Variants in SCLT1 observed in about 807,000 individuals in gnomAD.
SCLT1 encodes the protein sodium channel and clathrin linker 1.
In SCLT1, 78 loss-of-function variants were observed where a neutral mutation model predicts 112.8. The ratio of observed to expected loss-of-function variants is 0.69; its 90% CI spans 0.58 to 0.83. The LOEUF is 0.83. Ranked by LOEUF, SCLT1 falls within the 40% of genes least tolerant of loss-of-function variation. The pLI is 0.00. For synonymous variants in SCLT1, 257 were observed against 254.7 expected (o/e 1.01, Z -0.09); for missense variants, 747 against 770.4 (o/e 0.97, Z 0.36).
intron 14 of SCLT1, among the ~76,000 whole-genome samples, chr4:128,950,096 G>A (rs1395588413): frequency 6.6e-6 from 1 of 152,094 alleles, no homozygotes; most frequent in Non-Finnish European, 1.5e-5. Flanking sequence ...AACCCTGAGT[G>A]TATACAAAAT....
At chr4:129,092,402 C>G (rs979660025) in intron 1 of SCLT1, among the ~76,000 whole-genome samples, 1 of 152,168 alleles carries the variant, frequency 6.6e-6, no homozygotes, top group African/African-American at 2.4e-5. Context: ...ATAGTAAATT[C>G]ATATTTGTAC....
At chr4:129,024,048 G>A (rs544948938) in intron 5 of SCLT1, among the ~76,000 whole-genome samples, 1 of 152,204 alleles carries the variant, frequency 6.6e-6, no homozygotes, top group African/African-American at 2.4e-5. Flanking sequence ...AGCTCGAACT[G>A]GGTGGAGCCC....
At chr4:129,035,559 T>C (rs1027467270) in intron 5 of SCLT1, among the ~76,000 whole-genome samples, 9 of 152,216 alleles carry the variant, frequency 5.9e-5, no homozygotes, top group Middle Eastern at 3.4e-3. Flanking sequence ...AAACAGCTCT[T>C]GTACTGGCAA....
downstream of SCLT1, among the ~76,000 whole-genome samples, chr4:128,880,647 T>C (rs1347189152): frequency 6.6e-6 from 1 of 152,208 alleles, no homozygotes; most frequent in African/African-American, 2.4e-5. Context: ...ACAGTGTGAT[T>C]CAACTTTCCC....
chr4:128,905,449 C>G (rs1218134951), intron 18 of SCLT1, among the ~76,000 whole-genome samples: 4 of 152,152 alleles, frequency 2.6e-5, no homozygotes, highest in Admixed American at 6.5e-5. Flanking sequence ...ATTTTCCATA[C>G]AGTAGTTATA....
chr4:129,084,409 A>G (rs1752219628), intron 1 of SCLT1, among the ~76,000 whole-genome samples: 1 of 143,094 alleles, frequency 7.0e-6, no homozygotes, highest in Non-Finnish European at 1.5e-5. Context: ...AGAAAACAGT[A>G]AAAGATGCTA....
intron 5 of SCLT1, among the ~76,000 whole-genome samples, chr4:129,020,570 G>C (rs1422602426): frequency 2.0e-5 from 3 of 152,176 alleles, no homozygotes; most frequent in African/African-American, 4.8e-5. Context: ...CTTTTGGCTG[G>C]AAAAGAAGAA....
At chr4:129,027,569 C>T (rs531326130) in intron 5 of SCLT1, among the ~76,000 whole-genome samples, 24 of 152,232 alleles carry the variant, frequency 1.6e-4, no homozygotes, top group African/African-American at 5.3e-4. Context: ...CAGCCAATAT[C>T]ATACTGAATG....
At chr4:128,902,037 C>T (rs1579327037) in intron 18 of SCLT1, among the ~76,000 whole-genome samples, 2 of 152,144 alleles carry the variant, frequency 1.3e-5, no homozygotes, top group South Asian at 2.1e-4. Context: ...CCACCTCAGC[C>T]TCCCAAGCAG....
intron 3 of SCLT1, among the ~76,000 whole-genome samples, chr4:128,877,729 C>T (rs532666549): frequency 6.6e-6 from 1 of 151,392 alleles, no homozygotes; most frequent in Non-Finnish European, 1.5e-5. Flanking sequence ...TAGGACTACA[C>T]GTGTAAACTT....
At chr4:128,874,853 T>C (rs144093252) in intron 4 of SCLT1, 5 of 152,770 alleles carry the variant, frequency 3.3e-5, no homozygotes, top group African/African-American at 1.2e-4. Flanking sequence ...GAATGTCATT[T>C]GTTAGGTTAT....
At chr4:128,893,124 A>G (rs1051912275) in intron 18 of SCLT1, among the ~76,000 whole-genome samples, 1 of 152,232 alleles carries the variant, frequency 6.6e-6, no homozygotes, top group African/African-American at 2.4e-5. Context: ...ACATTTATAA[A>G]GTTAGCCAAC....
intron 20 of SCLT1, among the ~76,000 whole-genome samples, chr4:128,884,996 C>T (rs1450731096): frequency 6.6e-6 from 1 of 152,070 alleles, no homozygotes; most frequent in Non-Finnish European, 1.5e-5. Context: ...TTTAAAATGT[C>T]TATTAATTTA....
chr4:128,909,104 G>C lies in SCLT1; in HGVS notation c.1830-17967C>G, dbSNP rs563031836. Among the ~76,000 whole-genome samples the C allele has an allele frequency of 1.2e-4, 19 of 152,156 alleles. No homozygotes were observed. In the South Asian group the frequency reaches 2.3e-3, roughly 18 times the overall value. Reference sequence around the variant, plus strand: ...TGCTTTGGCGGTCTTTGAACTAGCTGTTCTCTTTGCTTAAAATGCTCTTTC... The same window carrying C: ...TGCTTTGGCGGTCTTTGAACTAGCTCTTCTCTTTGCTTAAAATGCTCTTTC... On this transcript the variant is annotated intron_variant, in intron 18 of 20. Transcript: ENST00000281142.
intron 9 of SCLT1, among the ~76,000 whole-genome samples, chr4:128,989,064 A>T (rs965751373): frequency 7.2e-5 from 11 of 151,980 alleles, no homozygotes; most frequent in African/African-American, 2.7e-4. Context: ...AGAATTGGAC[A>T]GATAATCTAC....
chr4:128,949,212 G>C (rs1738472863), intron 14 of SCLT1, among the ~76,000 whole-genome samples: 3 of 149,196 alleles, frequency 2.0e-5, no homozygotes, highest in Non-Finnish European at 4.4e-5. Flanking sequence ...TAATGTGTAT[G>C]GCTTGTTTTT....
chr4:128,948,179 C>T (rs1249071007), intron 15 of SCLT1, among the ~76,000 whole-genome samples: 4 of 150,960 alleles, frequency 2.6e-5, no homozygotes, highest in African/African-American at 9.7e-5. Flanking sequence ...ACTAAAAATA[C>T]AAAAAAAGTA....
intron 18 of SCLT1, among the ~76,000 whole-genome samples, chr4:128,892,371 T>C (rs1733397276): frequency 6.6e-6 from 1 of 152,228 alleles, no homozygotes; most frequent in African/African-American, 2.4e-5. Context: ...TATGGATGAT[T>C]TCTGTATCAT....
intron 18 of SCLT1, among the ~76,000 whole-genome samples, chr4:128,907,625 G>A (rs1734787294): frequency 6.6e-6 from 1 of 152,178 alleles, no homozygotes; most frequent in Non-Finnish European, 1.5e-5. Flanking sequence ...AAAATACTCA[G>A]TAGAGAGTTG....
Sources: gnomAD v4.1 joint callset for allele counts (sites outside exome capture counted in the v4.1 genomes callset) on GRCh38, gnomAD v4.1.1 for gene constraint, MANE v1.5 for transcripts, NCBI Gene and HGNC (gene_info 2026-07-23, HGNC 2026-07-21) for gene names.